Variants in ROBO1 observed in about 807,000 individuals in gnomAD.
ROBO1 encodes the protein roundabout guidance receptor 1.
In ROBO1, 149 loss-of-function variants were observed where a neutral mutation model predicts 195.9. The ratio of observed to expected loss-of-function variants is 0.76; its 90% CI spans 0.67 to 0.87. The LOEUF (loss-of-function observed/expected upper bound fraction) is 0.87. ROBO1 is among the 40% of genes least tolerant of loss of function. The pLI is 0.00. For missense variants in ROBO1, 1,933 were observed against 2,068.3 expected (o/e 0.93, Z 1.27); for synonymous variants, 816 against 733.2 (o/e 1.11, Z -1.82).
intron 2 of ROBO1, among the ~76,000 whole-genome samples, chr3:79,483,356 G>A (rs1938970691): frequency 6.6e-6 from 1 of 152,198 alleles, no homozygotes; most frequent in Non-Finnish European, 1.5e-5. Context: ...CTCAAAGTGA[G>A]TTTTCAGTAA....
At chr3:78,951,845 T>C (rs2040809076) in intron 3 of ROBO1, among the ~76,000 whole-genome samples, 1 of 152,144 alleles carries the variant, frequency 6.6e-6, no homozygotes, top group Non-Finnish European at 1.5e-5. Flanking sequence ...ACCAAACTCC[T>C]AGTTGGATGT....
In ROBO1 at chr3:79,187,769, C is replaced by T. The variant is rs374412432; in HGVS notation, c.89-62230G>A. Among the ~76,000 whole-genome samples, 19 of 152,078 alleles carry T rather than the reference C, an allele frequency of 1.2e-4. No homozygotes were observed. In the South Asian group the frequency reaches 3.5e-3, roughly 28 times the overall value. On this transcript the variant is annotated intron_variant, in intron 2 of 30. Coordinates refer to ENST00000464233, the MANE Select transcript of ROBO1 (RefSeq NM_002941.4). The stretch of plus-strand genomic sequence containing the variant: ...AATTCTATACAATTAATTAAAATTT[C>T]TTCCAGCATATTCACAGAAACAAAC...
In ROBO1 at chr3:78,868,187, C is replaced by T. The variant is rs528697126; in HGVS notation, c.499+70414G>A. 2.0e-5 allele frequency among the ~76,000 whole-genome samples: 3 copies of T among 152,080 alleles called. No individual in the cohort carries two copies. The East Asian group carries it at 5.8e-4, about 29-fold the overall frequency. Reference sequence around the variant, plus strand: ...TGAGGAAAGGGAGCACATGGAGCTGCCAAGATGTGATAATACCATATTCCT... The same window carrying T: ...TGAGGAAAGGGAGCACATGGAGCTGTCAAGATGTGATAATACCATATTCCT... On this transcript the variant is annotated intron_variant, in intron 4 of 30. Coordinates refer to ENST00000464233, the MANE Select transcript of ROBO1 (RefSeq NM_002941.4).
chr3:79,521,792 T>G (rs191131028), intron 2 of ROBO1, among the ~76,000 whole-genome samples: 1 of 151,972 alleles, frequency 6.6e-6, no homozygotes, highest in African/African-American at 2.4e-5. Context: ...CCATCCACGG[T>G]CTGCTCCTGA....
intron 2 of ROBO1, among the ~76,000 whole-genome samples, chr3:79,237,755 T>C (rs1156363854): frequency 6.6e-6 from 1 of 152,072 alleles, no homozygotes; most frequent in African/African-American, 2.4e-5. Context: ...TGCTTTTAAG[T>C]ACTGGAGATA....
chr3:78,699,991 A>G (rs1026816115), intron 8 of ROBO1, among the ~76,000 whole-genome samples: 1 of 152,152 alleles, frequency 6.6e-6, no homozygotes, highest in Admixed American at 6.6e-5. Flanking sequence ...CTCAGAGCAC[A>G]TATTATAGTT....
intron 3 of ROBO1, among the ~76,000 whole-genome samples, chr3:78,951,861 G>T (rs2040809460): frequency 6.6e-6 from 1 of 152,024 alleles, no homozygotes; most frequent in South Asian, 2.1e-4. Context: ...GATGTAAACT[G>T]CTTCCCCCTC....
At chr3:79,694,259 C>G (rs1181824176) in intron 1 of ROBO1, among the ~76,000 whole-genome samples, 1 of 151,692 alleles carries the variant, frequency 6.6e-6, no homozygotes, top group African/African-American at 2.4e-5. Context: ...AATGTCTAAT[C>G]AGCATTCATT....
chr3:79,489,126 A>AT (rs1222925318), intron 2 of ROBO1, among the ~76,000 whole-genome samples: 1 of 151,140 alleles, frequency 6.6e-6, no homozygotes, highest in African/African-American at 2.4e-5. Flanking sequence ...ATATATATAT[A>AT]AAACATGTGG....
chr3:79,648,040 T>C (rs1009603289), intron 1 of ROBO1, among the ~76,000 whole-genome samples: 2 of 152,108 alleles, frequency 1.3e-5, no homozygotes, highest in Non-Finnish European at 2.9e-5. Context: ...GGTTTTGCTA[T>C]ATGTCTTTTC....
rs199677953 is a variant in ROBO1, at chr3:79,036,294, T to G, written c.172+89162A>C. 5.9e-5 allele frequency among the ~76,000 whole-genome samples: 9 copies of G among 152,292 alleles called. No homozygotes were observed. In the East Asian group the frequency reaches 1.7e-3, roughly 29 times the overall value. ...TATAATCAGTATATTTTATCTTTAT[T>G]TGGATGAATTTTGCCTTAAATAAAA... On this transcript the variant is annotated intron_variant, in intron 3 of 30. Coordinates refer to ENST00000464233, the MANE Select transcript of ROBO1 (RefSeq NM_002941.4).
chr3:79,275,809 C>T (rs1211425605), intron 2 of ROBO1, among the ~76,000 whole-genome samples: 3 of 151,640 alleles, frequency 2.0e-5, no homozygotes, highest in Non-Finnish European at 3.0e-5. Flanking sequence ...CAACATACAA[C>T]AATCAGTTCA....
At chr3:79,139,035 G>A (rs9867774) in intron 2 of ROBO1, among the ~76,000 whole-genome samples, 109,124 of 151,464 alleles carry the variant, frequency 0.72, 39,387 homozygotes, top group East Asian at 0.79. Context: ...GTCAAGTAGA[G>A]TTTGGTTTAA....
chr3:79,507,588 C>T (rs761044288), intron 2 of ROBO1, among the ~76,000 whole-genome samples: 2 of 152,124 alleles, frequency 1.3e-5, no homozygotes, highest in Non-Finnish European at 2.9e-5. Context: ...TATTGTTCAT[C>T]ATAAAGAATA....
intron 3 of ROBO1, among the ~76,000 whole-genome samples, chr3:78,979,677 T>C (rs552229177): frequency 1.9e-3 from 296 of 152,232 alleles, no homozygotes; most frequent in African/African-American, 6.8e-3. Context: ...ACTATGTTCA[T>C]TGAAATCTGT....
chr3:79,320,935 A>G (rs1380561775), intron 2 of ROBO1, among the ~76,000 whole-genome samples: 3 of 152,198 alleles, frequency 2.0e-5, no homozygotes, highest in African/African-American at 7.2e-5. Flanking sequence ...TTTGAAGCTG[A>G]GAATTGAAAT....
rs563716894 is a variant in ROBO1, at chr3:78,788,275, C to A, written c.500-41375G>T. ...GGGCTAAAGGCGCCCGCCACCACGC[C>A]CAGATAATTTTTTTTTGTATTTTTA... On this transcript the variant is annotated intron_variant, in intron 4 of 30. Coordinates refer to ENST00000464233, the MANE Select transcript of ROBO1 (RefSeq NM_002941.4). Among the ~76,000 whole-genome samples, 219 of 141,882 alleles carry A rather than the reference C, an allele frequency of 1.5e-3. 1 individual carries two copies. The highest frequency in any genetic ancestry group is 5.2e-3 in the African/African-American group (203 of 38,790). The allele number at this position is 141,882 out of a possible 152,430, so 93.1% of individuals were successfully genotyped here.
chr3:79,282,820 TA>T (rs1260903698), intron 2 of ROBO1, among the ~76,000 whole-genome samples: 1 of 152,126 alleles, frequency 6.6e-6, no homozygotes, highest in Non-Finnish European at 1.5e-5. Flanking sequence ...TTATATAATT[TA>T]AAGCCGTAAA....
chr3:79,699,474 A>T (rs1947549642), intron 1 of ROBO1, among the ~76,000 whole-genome samples: 1 of 151,580 alleles, frequency 6.6e-6, no homozygotes, highest in Non-Finnish European at 1.5e-5. Flanking sequence ...ACCCCTATAT[A>T]AATATGCATT....
Sources: gnomAD v4.1 joint callset for allele counts (sites outside exome capture counted in the v4.1 genomes callset) on GRCh38, gnomAD v4.1.1 for gene constraint, MANE v1.5 for transcripts, NCBI Gene and HGNC (gene_info 2026-07-23, HGNC 2026-07-21) for gene names.